Variants in SCAPER observed in about 807,000 individuals in gnomAD.
The protein encoded by SCAPER is S phase cyclin A-associated protein in the endoplasmic reticulum.
Under a neutral mutation model 182.2 loss-of-function variants are expected in SCAPER, and 98 were observed. The observed-to-expected ratio is 0.54, with a 90% CI of 0.46 to 0.64. The LOEUF (loss-of-function observed/expected upper bound fraction) is 0.64, where lower values mean the gene tolerates loss of function less well. SCAPER is among the 30% of genes least tolerant of loss of function. The pLI, the probability that SCAPER is intolerant of heterozygous loss-of-function variation, is 0.00. For missense variants in SCAPER, 1,432 were observed against 1,690.0 expected (o/e 0.85, Z 2.68); for synonymous variants, 605 against 564.6 (o/e 1.07, Z -1.01).
chr15:76,723,243 G>A (rs1307261774), intron 17 of SCAPER, among the ~76,000 whole-genome samples: 1 of 152,140 alleles, frequency 6.6e-6, no homozygotes, highest in African/African-American at 2.4e-5. Flanking sequence ...GCAGTTTTGA[G>A]TGAGTTTCTT....
intron 23 of SCAPER, among the ~76,000 whole-genome samples, chr15:76,544,837 T>C (rs2045116658): frequency 6.6e-6 from 1 of 152,188 alleles, no homozygotes; most frequent in Non-Finnish European, 1.5e-5. Flanking sequence ...CTCTTTAAGG[T>C]TGATATATGG....
chr15:76,874,445 A>G lies in SCAPER; in HGVS notation c.6+9367T>C, dbSNP rs1189222966. Among the ~76,000 whole-genome samples the G allele has an allele frequency of 1.3e-5, 2 of 152,174 alleles. 1 individual carries two copies. The highest frequency in any genetic ancestry group is 3.8e-4 in the East Asian group (2 of 5,202). ...GAAAGGAAGTAATAAACAGCAAAAA[A>G]TCAATATAATACAAGACCAACATGT... is the stretch of plus-strand genomic sequence containing the variant. On this transcript the variant is annotated intron_variant, in intron 2 of 31. Coordinates refer to ENST00000563290, the MANE Select transcript of SCAPER (RefSeq NM_020843.4).
At chr15:76,708,963 G>A (rs1224799540) in intron 17 of SCAPER, among the ~76,000 whole-genome samples, 6 of 152,088 alleles carry the variant, frequency 3.9e-5, no homozygotes, top group South Asian at 2.1e-4. Flanking sequence ...CTACTTGGCA[G>A]GCCAAGGCAT....
intron 23 of SCAPER, among the ~76,000 whole-genome samples, chr15:76,522,518 G>C (rs2042910313): frequency 6.6e-6 from 1 of 152,158 alleles, no homozygotes; most frequent in East Asian, 1.9e-4. Context: ...CTTGTAGCAA[G>C]ATGTGAAAAA....
Position 76,765,415 on chromosome 15 carries a change from A to T in SCAPER, c.1535T>A (p.Ile512Asn), listed in dbSNP as rs377013117. ...AGGTCTAGCAGGTTCTTCTTCTACA[A>T]TGTCCCCCCAGGATGTATTTTGGCG... ...SWRQNTSWGD[I>N]VEEEPARPPG... Residue 512 changes from isoleucine to asparagine, a missense_variant, in exon 13 of 32, where the codon ATT (isoleucine) becomes AAT (asparagine). Ile to Asn is a moderately radical substitution (Grantham distance 149). Transcript: ENST00000563290. The T allele has an allele frequency of 1.2e-6, 2 of 1,613,942 alleles. No homozygotes were observed. The highest frequency in any genetic ancestry group is 2.2e-5 in the South Asian group (2 of 91,084).
intron 14 of SCAPER, among the ~76,000 whole-genome samples, chr15:76,763,852 T>C (rs773061438): frequency 6.6e-6 from 1 of 152,224 alleles, no homozygotes; most frequent in African/African-American, 2.4e-5. Flanking sequence ...TTTGTTTTTA[T>C]GTTGTTTTCC....
At chr15:76,386,132 G>A (rs1476760317) in intron 27 of SCAPER, among the ~76,000 whole-genome samples, 1 of 152,044 alleles carries the variant, frequency 6.6e-6, no homozygotes, top group Non-Finnish European at 1.5e-5. Context: ...TCTTTCTAAC[G>A]CTGACTTTCT....
chr15:76,825,519 ACTTT>A (rs1187432596), intron 5 of SCAPER, among the ~76,000 whole-genome samples: 3 of 149,666 alleles, frequency 2.0e-5, no homozygotes, highest in African/African-American at 7.3e-5. Context: ...AACACATCTC[ACTTT>A]CTAAGTTATT....
At chr15:76,847,793 C>CA (rs1342814821) in intron 4 of SCAPER, among the ~76,000 whole-genome samples, 1 of 152,070 alleles carries the variant, frequency 6.6e-6, no homozygotes, top group East Asian at 1.9e-4. Context: ...TGGTGGCACA[C>CA]ACCTGTAGTC....
intron 23 of SCAPER, among the ~76,000 whole-genome samples, chr15:76,518,261 A>G (rs2042586113): frequency 6.6e-6 from 1 of 152,218 alleles, no homozygotes; most frequent in Non-Finnish European, 1.5e-5. Flanking sequence ...TCCTTCCTGG[A>G]TATCAGAACT....
intron 20 of SCAPER, among the ~76,000 whole-genome samples, chr15:76,677,268 G>A (rs1327547337): frequency 2.0e-5 from 3 of 152,054 alleles, no homozygotes; most frequent in Non-Finnish European, 1.5e-5. Context: ...TCAGAAATGA[G>A]TCTTAGTTGA....
At position 76,501,424 on chromosome 15, in the gene SCAPER, G is replaced by C. The variant is rs76862195; in HGVS notation, c.2954+3435C>G. Among the ~76,000 whole-genome samples, 252 of 151,168 alleles carry C rather than the reference G, an allele frequency of 1.7e-3. 4 individuals carry two copies. In the East Asian group the frequency reaches 0.046, roughly 28 times the overall value. ...CTTAATTATAGGACAAACAAGACATGCAACTACTGACGTACTATGTGAAGT... is the reference window on the plus strand; with the variant it reads ...CTTAATTATAGGACAAACAAGACATCCAACTACTGACGTACTATGTGAAGT... On this transcript the variant is annotated intron_variant, in intron 24 of 31. Transcript: ENST00000563290.
chr15:76,473,332 T>C (rs1318386836), intron 24 of SCAPER, among the ~76,000 whole-genome samples: 1 of 152,192 alleles, frequency 6.6e-6, no homozygotes, highest in Non-Finnish European at 1.5e-5. Context: ...CCTGATTGTT[T>C]ATGGAAAGTA....
chr15:76,533,758 A>T (rs1597243147), intron 23 of SCAPER, among the ~76,000 whole-genome samples: 1 of 152,044 alleles, frequency 6.6e-6, no homozygotes, highest in African/African-American at 2.4e-5. Flanking sequence ...AATAGTTGAC[A>T]TGACCACTGT....
chr15:76,855,773 G>A, intron 4 of SCAPER: 1 of 311,918 alleles, frequency 3.2e-6, no homozygotes, highest in Admixed American at 3.3e-5. Context: ...AAAAATAACA[G>A]ATCTTGGCAA....
At chr15:76,452,519 A>G (rs1417615300) in intron 25 of SCAPER, among the ~76,000 whole-genome samples, 1 of 152,230 alleles carries the variant, frequency 6.6e-6, no homozygotes, top group Non-Finnish European at 1.5e-5. Flanking sequence ...TTCCTCTGCA[A>G]GGATTTTAAA....
At chr15:76,561,484 A>C (rs544506930) in intron 23 of SCAPER, among the ~76,000 whole-genome samples, 6 of 151,724 alleles carry the variant, frequency 4.0e-5, no homozygotes, top group African/African-American at 4.8e-5. Flanking sequence ...GATTATAAAA[A>C]TTTTTTTTTA....
rs2045071718 is a variant in SCAPER at position 76,408,967 on chromosome 15, A to G, written c.3312-4288T>C. 2.0e-5 allele frequency among the ~76,000 whole-genome samples: 3 copies of G among 152,144 alleles called. No individual in the cohort carries two copies. In the South Asian group the frequency reaches 6.2e-4, roughly 32 times the overall value. On this transcript the variant is annotated intron_variant, in intron 26 of 31. Transcript: ENST00000563290. ...ATAAAAAGCATTGTAAAGCCAAGGC[A>G]AACTGAAACAACCACTTGTTGAGTG... is the stretch of plus-strand genomic sequence containing the variant.
rs1260759466 is a variant in SCAPER at position 76,592,559 on chromosome 15, T to C, written c.2712-18275A>G. On this transcript the variant is annotated intron_variant, in intron 22 of 31. Transcript: ENST00000563290. ...ATGGCCAAAAGGAACAGCTCCATTC[T>C]GCAGCTCCCAGCGAGATCAACGCAG... is the stretch of plus-strand genomic sequence containing the variant. Among the ~76,000 whole-genome samples, 10 of 123,122 alleles carry C rather than the reference T, an allele frequency of 8.1e-5. 4 individuals carry two copies. Among genetic ancestry groups the C allele is most frequent in the Non-Finnish European group, 9.9e-5 (5 of 50,574 alleles). 80.8% of individuals were successfully genotyped at this position (123,122 alleles called of 152,430 possible). A position where few individuals can be genotyped will look rare whatever the true frequency, so the allele number is the denominator to read the frequency against.
Sources: gnomAD v4.1 joint callset for allele counts (sites outside exome capture counted in the v4.1 genomes callset) on GRCh38, gnomAD v4.1.1 for gene constraint, MANE v1.5 for transcripts, NCBI Gene and HGNC (gene_info 2026-07-23, HGNC 2026-07-21) for gene names.